Variants in CSMD1 observed in about 807,000 individuals in gnomAD.
The protein encoded by CSMD1 is CUB and Sushi multiple domains 1.
A neutral mutation model predicts 417.5 loss-of-function variants in CSMD1; 213 were observed. The ratio of observed to expected loss-of-function variants is 0.51; its 90% CI spans 0.46 to 0.57. CSMD1 has a LOEUF of 0.57. Among genes scored for constraint, CSMD1 ranks in the 20% least tolerant of loss-of-function variants. The pLI, the probability that CSMD1 is intolerant of heterozygous loss-of-function variation, is 0.00. For missense variants in CSMD1, 6,923 were observed against 4,529.7 expected, an observed-to-expected ratio of 1.53 and a Z score of -15.17; for synonymous variants, 2,862 against 1,736.8, an observed-to-expected ratio of 1.65 and a Z score of -16.11.
At chr8:3,527,249 A>G (rs1797790494) in intron 10 of CSMD1, among the ~76,000 whole-genome samples, 1 of 152,208 alleles carries the variant, frequency 6.6e-6, no homozygotes, top group Admixed American at 6.5e-5. Context: ...CCTAATTGGT[A>G]CAGGGCGCTG....
intron 20 of CSMD1, 106 bp from the exon 21 acceptor site, chr8:3,359,446 T>G (rs185505918): frequency 1.4e-6 from 1 of 714,486 alleles, no homozygotes; most frequent in Non-Finnish European, 2.2e-6. Flanking sequence ...AAAAAAAACC[T>G]ACATATATAT....
intron 5 of CSMD1, among the ~76,000 whole-genome samples, chr8:3,900,565 G>C (rs932626256): frequency 2.6e-5 from 4 of 151,960 alleles, no homozygotes; most frequent in Non-Finnish European, 5.9e-5. Flanking sequence ...GCAGATGGGT[G>C]ATACTGTAGC....
At chr8:3,608,478 A>C (rs1223106743) in intron 8 of CSMD1, among the ~76,000 whole-genome samples, 1 of 152,094 alleles carries the variant, frequency 6.6e-6, no homozygotes, top group Non-Finnish European at 1.5e-5. Context: ...TATTAAAAAA[A>C]TATGGCTGGG....
chr8:4,294,801 A>C (rs1387065727), intron 3 of CSMD1, among the ~76,000 whole-genome samples: 1 of 152,002 alleles, frequency 6.6e-6, no homozygotes, highest in Non-Finnish European at 1.5e-5. Flanking sequence ...ACCTGGAAAA[A>C]AGTGCTTACT....
chr8:3,469,396 C>G (rs566351377), intron 11 of CSMD1, among the ~76,000 whole-genome samples: 41 of 152,226 alleles, frequency 2.7e-4, no homozygotes, highest in African/African-American at 9.2e-4. Context: ...ACATGCATAG[C>G]TGAAATAGAT....
chr8:4,578,790 G>A (rs1438692693), intron 2 of CSMD1, among the ~76,000 whole-genome samples: 2 of 146,556 alleles, frequency 1.4e-5, no homozygotes, highest in African/African-American at 5.2e-5. Flanking sequence ...CTCTAGCCTG[G>A]GTGACAGAGA....
At chr8:3,962,143 T>C (rs969122998) in intron 5 of CSMD1, among the ~76,000 whole-genome samples, 6 of 152,160 alleles carry the variant, frequency 3.9e-5, no homozygotes, top group African/African-American at 1.4e-4. Flanking sequence ...AGCCCACACC[T>C]GAGCACCTAC....
In CSMD1 at chr8:3,971,014, G is replaced by C. The variant is rs576774519; in HGVS notation, c.818+26889C>G. ...GATCCCCCCGCCTCAGACTCCCAAAGTACTGGGATTTTAGGCATGAGTCAC... is the reference window on the plus strand; with the variant it reads ...GATCCCCCCGCCTCAGACTCCCAAACTACTGGGATTTTAGGCATGAGTCAC... On this transcript the variant is annotated intron_variant, in intron 5 of 69. Coordinates refer to ENST00000635120, the MANE Select transcript of CSMD1 (RefSeq NM_033225.6). Among the ~76,000 whole-genome samples the C allele has an allele frequency of 1.8e-3, 276 of 152,284 alleles. 2 individuals carry two copies. The highest frequency in any genetic ancestry group is 6.5e-3 in the African/African-American group (269 of 41,550).
chr8:4,324,032 C>T (rs887800405), intron 3 of CSMD1, among the ~76,000 whole-genome samples: 3 of 152,300 alleles, frequency 2.0e-5, no homozygotes, highest in Non-Finnish European at 2.9e-5. Context: ...CCTTAGCAGG[C>T]CAGTTCCTCT....
chr8:4,121,321 G>C (rs1204713085), intron 3 of CSMD1, among the ~76,000 whole-genome samples: 3 of 151,940 alleles, frequency 2.0e-5, no homozygotes, highest in Non-Finnish European at 4.4e-5. Flanking sequence ...CACCATGTTG[G>C]CCAGGCTGGT....
intron 3 of CSMD1, among the ~76,000 whole-genome samples, chr8:4,175,831 G>C (rs1211239720): frequency 6.6e-6 from 1 of 152,158 alleles, no homozygotes; most frequent in Admixed American, 6.5e-5. Flanking sequence ...TATGCAGAGT[G>C]AAAGTAACTG....
At chr8:4,344,336 C>T (rs1387557337) in intron 3 of CSMD1, among the ~76,000 whole-genome samples, 2 of 152,034 alleles carry the variant, frequency 1.3e-5, no homozygotes, top group East Asian at 1.9e-4. Flanking sequence ...ATCAGCTTTA[C>T]ATCTTTCAGG....
chr8:4,493,479 T>A (rs1418529671), intron 2 of CSMD1, among the ~76,000 whole-genome samples: 1 of 152,104 alleles, frequency 6.6e-6, no homozygotes, highest in Non-Finnish European at 1.5e-5. Context: ...GAGGATTGCT[T>A]GAGTCCAGGA....
intron 2 of CSMD1, among the ~76,000 whole-genome samples, chr8:4,565,426 G>C (rs1443147066): frequency 1.3e-5 from 2 of 152,116 alleles, no homozygotes; most frequent in East Asian, 1.9e-4. Context: ...TAATTCAATA[G>C]CAATTTTTTC....
At chr8:3,794,243 T>C (rs775735354) in intron 5 of CSMD1, among the ~76,000 whole-genome samples, 1 of 152,214 alleles carries the variant, frequency 6.6e-6, no homozygotes, top group Non-Finnish European at 1.5e-5. Context: ...TTCTACGCAG[T>C]TGAGATGTTG....
At chr8:4,663,932 T>G (rs1344288953) in intron 1 of CSMD1, among the ~76,000 whole-genome samples, 1 of 152,138 alleles carries the variant, frequency 6.6e-6, no homozygotes, top group Non-Finnish European at 1.5e-5. Flanking sequence ...ATGGCTCCAC[T>G]GGGATGGAAA....
intron 54 of CSMD1, among the ~76,000 whole-genome samples, chr8:2,990,221 C>T (rs768584351): frequency 6.6e-6 from 1 of 152,208 alleles, no homozygotes; most frequent in Non-Finnish European, 1.5e-5. Flanking sequence ...GAGCAAGAGG[C>T]TGACACTAAT....
At chr8:3,783,790 A>G (rs559368383) in intron 5 of CSMD1, among the ~76,000 whole-genome samples, 4 of 152,308 alleles carry the variant, frequency 2.6e-5, no homozygotes, top group African/African-American at 4.8e-5. Context: ...CATAGGAGAC[A>G]CTGAGGCTTC....
At chr8:3,200,040 G>C (rs950021886) in intron 32 of CSMD1, among the ~76,000 whole-genome samples, 1 of 151,950 alleles carries the variant, frequency 6.6e-6, no homozygotes, top group Non-Finnish European at 1.5e-5. Flanking sequence ...TCATTATTTC[G>C]CTTATGATTT....
Sources: allele counts gnomAD v4.1 joint callset (sites outside exome capture counted in the v4.1 genomes callset), GRCh38; gene constraint gnomAD v4.1.1; transcripts MANE v1.5; gene names NCBI Gene and HGNC (gene_info 2026-07-23, HGNC 2026-07-21).